YTHDC2: variants seen among roughly 807,000 people sequenced by gnomAD.
The protein encoded by YTHDC2 is YTH N6-methyladenosine RNA binding protein C2.
A neutral mutation model predicts 174.9 loss-of-function variants in YTHDC2; 45 were observed. The ratio of observed to expected loss-of-function variants is 0.26; its 90% CI spans 0.20 to 0.33. The LOEUF (loss-of-function observed/expected upper bound fraction) is 0.33. YTHDC2 is among the 10% of genes least tolerant of loss of function. The pLI is 1.00. For missense variants in YTHDC2, 1,650 were observed against 1,723.7 expected (o/e 0.96, Z 0.76); for synonymous variants, 657 against 574.5 (o/e 1.14, Z -2.05).
intron 24 of YTHDC2, 89 bp downstream of exon 24, chr5:113,579,784 T>C: frequency 7.3e-7 from 1 of 1,370,164 alleles, no homozygotes; most frequent in Non-Finnish European, 9.5e-7. Flanking sequence ...TTCTTTACTA[T>C]TGAGCCCTTA....
chr5:113,550,728 T>A (rs1490622008), intron 12 of YTHDC2, among the ~76,000 whole-genome samples: 1 of 152,158 alleles, frequency 6.6e-6, no homozygotes, highest in African/African-American at 2.4e-5. Flanking sequence ...GTTTTTGTTA[T>A]AACTTCTATA....
chr5:113,540,264 C>G (rs1332049472), intron 8 of YTHDC2, among the ~76,000 whole-genome samples: 1 of 152,136 alleles, frequency 6.6e-6, no homozygotes, highest in Non-Finnish European at 1.5e-5. Flanking sequence ...AAATGGTTTT[C>G]TACAAAGTGC....
chr5:113,550,047 C>T (rs909140159), intron 12 of YTHDC2, among the ~76,000 whole-genome samples: 2 of 151,830 alleles, frequency 1.3e-5, no homozygotes, highest in Non-Finnish European at 2.9e-5. Context: ...CTATGTACTC[C>T]TTTATTAGGA....
chr5:113,590,839 G>T (rs1778966706), intron 26 of YTHDC2, among the ~76,000 whole-genome samples: 1 of 152,206 alleles, frequency 6.6e-6, no homozygotes, highest in Non-Finnish European at 1.5e-5. Context: ...GATTTTGAAT[G>T]CTCTGAAAAT....
chr5:113,579,475 T>G, intron 23 of YTHDC2, 111 bp from the exon 24 acceptor site: 1 of 623,670 alleles, frequency 1.6e-6, no homozygotes, highest in Non-Finnish European at 2.6e-6. Context: ...CCCACACAAA[T>G]TGTTGTATGT....
At chr5:113,575,469 GT>G (rs2112769886) in intron 23 of YTHDC2, among the ~76,000 whole-genome samples, 1 of 152,266 alleles carries the variant, frequency 6.6e-6, no homozygotes, top group African/African-American at 2.4e-5. Flanking sequence ...GCCTAGACAC[GT>G]TTTTCTGAGA....
intron 29 of YTHDC2, 34 bp from the exon 30 acceptor site, chr5:113,593,448 G>T: frequency 7.4e-7 from 1 of 1,352,320 alleles, no homozygotes; most frequent in Non-Finnish European, 1.0e-6. Context: ...GAACCTTTCA[G>T]ATTATTTATC....
At chr5:113,580,073 C>A (rs1778305393) in intron 24 of YTHDC2, among the ~76,000 whole-genome samples, 1 of 152,018 alleles carries the variant, frequency 6.6e-6, no homozygotes, top group African/African-American at 2.4e-5. Context: ...ATACTGTGTC[C>A]TCATATGGCA....
intron 1 of YTHDC2, chr5:113,514,285 G>C (rs576812750): frequency 8.4e-5 from 60 of 717,114 alleles, no homozygotes; most frequent in African/African-American, 8.2e-4. Flanking sequence ...GGTGCTCTGC[G>C]GATCAATGGG....
chr5:113,558,280 G>A (rs960629395), intron 17 of YTHDC2, among the ~76,000 whole-genome samples: 7 of 152,160 alleles, frequency 4.6e-5, no homozygotes, highest in Non-Finnish European at 8.8e-5. Context: ...ACAGTGGGAT[G>A]ACATGAGTAT....
rs528002221 is a variant in YTHDC2, at chr5:113,525,247, T to G, written c.475+70T>G. The G allele has an allele frequency of 5.5e-6, 7 of 1,282,988 alleles. 1 individual carries two copies. The East Asian group carries it at 1.8e-4, about 33-fold the overall frequency. 79.5% of individuals were successfully genotyped at this position (1,282,988 alleles called of 1,614,324 possible). A position where few individuals can be genotyped will look rare whatever the true frequency, so the allele number is the denominator to read the frequency against. ...TGACTGTTCTTTTTCCATTTTAGAT[T>G]TATTTTCGAAAACCAAGATGAAATA... On this transcript the variant is annotated intron_variant, in intron 3 of 29. Transcript: ENST00000161863.
rs374345360 is a variant in YTHDC2 at position 113,592,187 on chromosome 5, T to C, written c.4212+9T>C. 55 of 1,547,238 alleles carry C rather than the reference T, an allele frequency of 3.6e-5. No individual in the cohort carries two copies. The highest frequency in any genetic ancestry group is 4.6e-5 in the Non-Finnish European group (53 of 1,160,094). On this transcript the variant is annotated intron_variant, in intron 28 of 29. Transcript: ENST00000161863. ...TAAGCAGGGATGGGCAGGTATACAA[T>C]GGCATTTTTTTTTTTATTTACTTTT...
At chr5:113,537,964 A>G (rs565939453) in intron 7 of YTHDC2, among the ~76,000 whole-genome samples, 47 of 152,184 alleles carry the variant, frequency 3.1e-4, no homozygotes, top group South Asian at 1.7e-3. Context: ...TTCATTTTAC[A>G]TGCCTAAAAC....
rs565837814 is a variant in YTHDC2, at chr5:113,527,461, C to T, written c.675+676C>T. 3.3e-5 allele frequency among the ~76,000 whole-genome samples: 5 copies of T among 152,210 alleles called. No individual in the cohort carries two copies. The South Asian group carries it at 6.2e-4, about 19-fold the overall frequency. Reference sequence around the variant, plus strand: ...CTTGCGGCATTTCAGCTTAAAATTACTAAAATTAGTTTGCTTTTAATAGAG... The same window carrying T: ...CTTGCGGCATTTCAGCTTAAAATTATTAAAATTAGTTTGCTTTTAATAGAG... On this transcript the variant is annotated intron_variant, in intron 4 of 29. Coordinates refer to ENST00000161863, the MANE Select transcript of YTHDC2 (RefSeq NM_022828.5).
chr5:113,563,250 G>A, intron 18 of YTHDC2, 123 bp from the exon 19 acceptor site: 1 of 789,878 alleles, frequency 1.3e-6, no homozygotes, highest in Non-Finnish European at 1.9e-6. Context: ...TCCTTCTACT[G>A]TTCATTCTAA....
At chr5:113,516,219 AACTT>A (rs375638205) in intron 2 of YTHDC2, among the ~76,000 whole-genome samples, 59 of 152,300 alleles carry the variant, frequency 3.9e-4, no homozygotes, top group African/African-American at 1.0e-3. Flanking sequence ...TTATTTATGG[AACTT>A]ACTTCTTTTA....
Position 113,514,062 on chromosome 5 carries a change from T to A in YTHDC2, c.167T>A (p.Phe56Tyr). Residue 56 changes from phenylalanine (F) to tyrosine (Y), a missense_variant, in exon 1 of 30, where the codon TTC becomes TAC. By Grantham distance (22) the Phe-to-Tyr change is conservative. Around this residue, in one of 5 missense-constraint regions of YTHDC2, gnomAD observed 304 missense variants for 341.4 expected, o/e 0.89. Coordinates refer to ENST00000161863, the MANE Select transcript of YTHDC2 (RefSeq NM_022828.5). ...KIAVNIALER[F>Y]RYGDQREMEF... ...GCAGTCAATATCGCGCTGGAGCGCT[T>A]CCGATACGGGGACCAGAGAGGTGAG... 6.2e-7 allele frequency: 1 copy of A among 1,612,196 alleles called. No individual in the cohort carries two copies. Among genetic ancestry groups the A allele is most frequent in the Non-Finnish European group, 8.5e-7 (1 of 1,179,312 alleles).
chr5:113,526,824 A>G, intron 4 of YTHDC2, 39 bp downstream of exon 4: 1 of 287,978 alleles, frequency 3.5e-6, no homozygotes, highest in Middle Eastern at 1.4e-3. Context: ...AAAAAAAAAA[A>G]AAATATATAT....
rs1326400334 is a variant in YTHDC2 at position 113,513,879 on chromosome 5, A to G, written c.-17A>G. ...GGCCTGGCCGCTCCCGTGCGGAGAG[A>G]CCATCTCTTCAGGGCAATGTCCAGG... On this transcript the variant is annotated 5_prime_UTR_variant, in exon 1 of 30. Coordinates refer to ENST00000161863, the MANE Select transcript of YTHDC2 (RefSeq NM_022828.5). 2 of 1,588,472 alleles carry G rather than the reference A, an allele frequency of 1.3e-6. No homozygotes were observed. Among genetic ancestry groups the G allele is most frequent in the South Asian group, 2.3e-5 (2 of 87,924 alleles).
Sources: allele counts gnomAD v4.1 joint callset (sites outside exome capture counted in the v4.1 genomes callset), GRCh38; gene constraint gnomAD v4.1.1; regional missense constraint gnomAD v4.1.1; transcripts MANE v1.5; gene names NCBI Gene and HGNC (gene_info 2026-07-23, HGNC 2026-07-21).